The following KDM4C variants were observed in gnomAD, a reference collection of about 807,000 sequenced individuals.
The protein encoded by KDM4C is lysine-specific demethylase 4C.
A neutral mutation model predicts 129.3 loss-of-function variants in KDM4C; 81 were observed. The ratio of observed to expected loss-of-function variants is 0.63; its 90% confidence interval spans 0.52 to 0.75. KDM4C has a LOEUF of 0.75. KDM4C is among the 30% of genes least tolerant of loss of function. The probability of loss-of-function intolerance (pLI) is 0.00; values close to 1 mark genes in which losing one functional copy is unlikely to be tolerated. For synonymous variants in KDM4C, 573 were observed against 456.1 expected (o/e 1.26, Z -3.26); for missense variants, 1,457 against 1,304.0 (o/e 1.12, Z -1.81).
chr9:6,737,593 G>C (rs376682284), intron 1 of KDM4C, among the ~76,000 whole-genome samples: 3 of 149,810 alleles, frequency 2.0e-5, no homozygotes, highest in African/African-American at 7.4e-5. Flanking sequence ...GAACCCGAGA[G>C]GCAGAGGTTG....
At chr9:7,071,299 A>T (rs1003564228) in intron 17 of KDM4C, among the ~76,000 whole-genome samples, 9 of 152,188 alleles carry the variant, frequency 5.9e-5, no homozygotes, top group African/African-American at 2.2e-4. Flanking sequence ...AGAAAATGAT[A>T]ATCGAATTCT....
chr9:6,854,068 CTTGGCCATAATG>C (rs1196812138), intron 5 of KDM4C, among the ~76,000 whole-genome samples: 1 of 151,756 alleles, frequency 6.6e-6, no homozygotes, highest in Non-Finnish European at 1.5e-5. Flanking sequence ...AAAGTCTGAA[CTTGGCCATAATG>C]TATGTATTTA....
At chr9:6,862,371 T>A (rs1841094963) in intron 5 of KDM4C, among the ~76,000 whole-genome samples, 1 of 152,244 alleles carries the variant, frequency 6.6e-6, no homozygotes, top group Non-Finnish European at 1.5e-5. Context: ...TTTTAATATT[T>A]CAGGCTTTGT....
chr9:6,925,270 T>C (rs908858003), intron 8 of KDM4C: 1 of 985,000 alleles, frequency 1.0e-6, no homozygotes, highest in Non-Finnish European at 1.2e-6. Context: ...TTGTAGGAGG[T>C]AGTTACTATG....
chr9:7,138,771 G>C (rs913138588), intron 19 of KDM4C, among the ~76,000 whole-genome samples: 3 of 152,098 alleles, frequency 2.0e-5, no homozygotes, highest in Middle Eastern at 3.2e-3. Flanking sequence ...AGTGGGCTAT[G>C]ATCACACCAT....
chr9:7,039,496 C>A (rs1484603567), intron 15 of KDM4C, among the ~76,000 whole-genome samples: 1 of 151,948 alleles, frequency 6.6e-6, no homozygotes, highest in East Asian at 1.9e-4. Flanking sequence ...ACAGCTGACC[C>A]TTGACCAACA....
At chr9:6,916,212 G>A (rs1333125600) in intron 8 of KDM4C, among the ~76,000 whole-genome samples, 1 of 147,704 alleles carries the variant, frequency 6.8e-6, no homozygotes, top group South Asian at 2.2e-4. Flanking sequence ...GGGCTATGAA[G>A]TGTCTTGAAA....
At chr9:6,976,752 C>CT (rs1273954490) in intron 8 of KDM4C, among the ~76,000 whole-genome samples, 2 of 151,738 alleles carry the variant, frequency 1.3e-5, no homozygotes, top group Admixed American at 1.3e-4. Flanking sequence ...GTGTTTAAAA[C>CT]TAACTTTTGC....
intron 4 of KDM4C, among the ~76,000 whole-genome samples, chr9:6,826,687 G>T (rs545338871): frequency 1.3e-5 from 2 of 152,180 alleles, no homozygotes; most frequent in East Asian, 3.9e-4. Flanking sequence ...TCAACATTGT[G>T]AAACCCTGTC....
At chr9:7,157,892 C>T (rs1050423184) in intron 19 of KDM4C, among the ~76,000 whole-genome samples, 1 of 152,216 alleles carries the variant, frequency 6.6e-6, no homozygotes, top group Non-Finnish European at 1.5e-5. Context: ...GGAGGAGTCC[C>T]TCTTTTTCTG....
intron 1 of KDM4C, among the ~76,000 whole-genome samples, chr9:6,739,807 T>C (rs927092190): frequency 3.3e-5 from 5 of 152,032 alleles, no homozygotes; most frequent in Admixed American, 1.3e-4. Flanking sequence ...CTGGGCAACA[T>C]AGCATGACCC....
intron 20 of KDM4C, among the ~76,000 whole-genome samples, 198 bp from the exon 21 acceptor site, chr9:7,169,600 G>A (rs2130487883): frequency 6.6e-6 from 1 of 152,308 alleles, no homozygotes; most frequent in East Asian, 1.9e-4. Context: ...CCAAAGTGCT[G>A]GGATTACAGG....
chr9:6,956,975 T>C (rs72701498), intron 8 of KDM4C, among the ~76,000 whole-genome samples: 3,240 of 152,260 alleles, frequency 0.021, 60 homozygotes, highest in Non-Finnish European at 0.036. Context: ...GGTCAGGCAG[T>C]GTTAAGTTGC....
intron 12 of KDM4C, among the ~76,000 whole-genome samples, chr9:6,990,817 A>C (rs777507722): frequency 3.3e-5 from 5 of 152,274 alleles, no homozygotes; most frequent in Middle Eastern, 3.4e-3. Flanking sequence ...GCTGAGACTC[A>C]TTTCTCTAAA....
chr9:7,047,150 A>G (rs2132532553), intron 16 of KDM4C, among the ~76,000 whole-genome samples: 1 of 152,098 alleles, frequency 6.6e-6, no homozygotes, highest in East Asian at 1.9e-4. Flanking sequence ...CACCATGAAA[A>G]ATAACCCCTC....
Position 6,858,880 on chromosome 9 carries a change from A to G in KDM4C, c.629+9180A>G, listed in dbSNP as rs1004179068. On this transcript the variant is annotated intron_variant, in intron 5 of 21. Coordinates refer to ENST00000381309, the MANE Select transcript of KDM4C (RefSeq NM_015061.6). ...TTTTTTTGTTTTCACACACTACTTA[A>G]TGTCATTGTTTAGATTGGAGTTGGT... 3.3e-5 allele frequency among the ~76,000 whole-genome samples: 5 copies of G among 151,226 alleles called. No homozygotes were observed. In the East Asian group the frequency reaches 9.7e-4, roughly 29 times the overall value.
intron 4 of KDM4C, among the ~76,000 whole-genome samples, chr9:6,826,885 A>G (rs975780972): frequency 1.2e-4 from 18 of 152,046 alleles, no homozygotes; most frequent in Non-Finnish European, 2.5e-4. Flanking sequence ...AAAAAAGAAA[A>G]TGTATCTTAT....
chr9:7,017,161 T>A (rs1823849424), intron 15 of KDM4C, among the ~76,000 whole-genome samples: 1 of 152,164 alleles, frequency 6.6e-6, no homozygotes, highest in Non-Finnish European at 1.5e-5. Context: ...GTTCTCAAAC[T>A]CCTGAGCTCA....
intron 4 of KDM4C, among the ~76,000 whole-genome samples, chr9:6,838,224 G>C (rs1836239459): frequency 6.6e-6 from 1 of 152,148 alleles, no homozygotes; most frequent in Non-Finnish European, 1.5e-5. Context: ...CTTATTCCTT[G>C]ACGACAGAAT....
Sources: gnomAD v4.1 joint callset for allele counts (sites outside exome capture counted in the v4.1 genomes callset) on GRCh38, gnomAD v4.1.1 for gene constraint, MANE v1.5 for transcripts, NCBI Gene and HGNC (gene_info 2026-07-23, HGNC 2026-07-21) for gene names.